The following GRIA1 variants were observed in gnomAD, a reference collection of about 807,000 sequenced individuals.
The protein encoded by GRIA1 is glutamate receptor 1.
GRIA1 carries 31 observed loss-of-function variants against 99.2 expected under a neutral mutation model. The ratio of observed to expected loss-of-function variants is 0.31; its 90% CI spans 0.23 to 0.42. The LOEUF is 0.42. Among genes scored for constraint, GRIA1 ranks in the 10% least tolerant of loss-of-function variants. GRIA1 has a pLI of 1.00. For synonymous variants in GRIA1, 438 were observed against 432.4 expected (o/e 1.01, Z -0.16); for missense variants, 782 against 1,157.5 (o/e 0.68, Z 4.71).
At chr5:153,630,376 T>C (rs1752857522) in intron 2 of GRIA1, among the ~76,000 whole-genome samples, 1 of 152,100 alleles carries the variant, frequency 6.6e-6, no homozygotes, top group Admixed American at 6.6e-5. Context: ...AGGAATATAT[T>C]GAAGAGAAAA....
At chr5:153,562,435 C>T (rs1024941347) in intron 2 of GRIA1, among the ~76,000 whole-genome samples, 5 of 152,138 alleles carry the variant, frequency 3.3e-5, no homozygotes, top group Non-Finnish European at 4.4e-5. Context: ...ACCTCTGAGT[C>T]AGCCTTTATG....
rs1766808159 is a variant in GRIA1 at position 153,811,315 on chromosome 5, A to G, written c.*90A>G. The stretch of plus-strand genomic sequence containing the variant: ...AGTGCCAAAAACAACAACAAAATGA[A>G]ACGCAACCACCACCAACCACTGCGA... On this transcript the variant is annotated 3_prime_UTR_variant, in exon 16 of 16. Coordinates refer to ENST00000285900, the MANE Select transcript of GRIA1 (RefSeq NM_000827.4). 1.2e-6 allele frequency: 1 copy of G among 855,204 alleles called. No homozygotes were observed. 53.0% of individuals were successfully genotyped at this position (855,204 alleles called of 1,614,324 possible). A position where few individuals can be genotyped will look rare whatever the true frequency, so the allele number is the denominator to read the frequency against.
intron 11 of GRIA1, among the ~76,000 whole-genome samples, chr5:153,713,916 C>A (rs1446189733): frequency 1.3e-5 from 2 of 152,142 alleles, no homozygotes; most frequent in Non-Finnish European, 2.9e-5. Flanking sequence ...TGAGAGACAT[C>A]ACAGAACATA....
intron 2 of GRIA1, among the ~76,000 whole-genome samples, chr5:153,602,245 T>C (rs1049402596): frequency 6.6e-6 from 1 of 152,180 alleles, no homozygotes; most frequent in African/African-American, 2.4e-5. Flanking sequence ...ATGGATGAAA[T>C]TGGAAATCAT....
At chr5:153,634,358 T>C (rs1753199431) in intron 2 of GRIA1, among the ~76,000 whole-genome samples, 2 of 151,894 alleles carry the variant, frequency 1.3e-5, no homozygotes, top group Non-Finnish European at 2.9e-5. Context: ...ATGAGTATTT[T>C]AGAGAAGGCC....
intron 2 of GRIA1, among the ~76,000 whole-genome samples, chr5:153,504,032 T>G (rs1755253626): frequency 6.6e-6 from 1 of 152,210 alleles, no homozygotes. Flanking sequence ...TTCTCTTTTC[T>G]CATCAGTTCC....
intron 2 of GRIA1, among the ~76,000 whole-genome samples, chr5:153,512,001 C>T (rs180908928): frequency 6.6e-6 from 1 of 152,302 alleles, no homozygotes; most frequent in Admixed American, 6.5e-5. Context: ...CACAAACAAA[C>T]AAAGCAAATC....
At chr5:153,683,758 G>A (rs772212510) in intron 7 of GRIA1, among the ~76,000 whole-genome samples, 13 of 152,220 alleles carry the variant, frequency 8.5e-5, no homozygotes, top group South Asian at 6.2e-4. Flanking sequence ...AGTAGTAGTC[G>A]TCATTATCAT....
chr5:153,643,117 C>A (rs535596009), intron 2 of GRIA1, among the ~76,000 whole-genome samples: 1 of 152,296 alleles, frequency 6.6e-6, no homozygotes, highest in South Asian at 2.1e-4. Context: ...CAGAGACTTA[C>A]CTGCTTACTG....
At chr5:153,719,258 G>A (rs1271359664) in intron 11 of GRIA1, among the ~76,000 whole-genome samples, 9 of 152,066 alleles carry the variant, frequency 5.9e-5, no homozygotes, top group Admixed American at 2.6e-4. Context: ...CTAGGTTTTC[G>A]TGTCAGAGCC....
chr5:153,748,935 T>A (rs1762331611), intron 11 of GRIA1, among the ~76,000 whole-genome samples: 1 of 152,042 alleles, frequency 6.6e-6, no homozygotes, highest in Admixed American at 6.6e-5. Context: ...AGATCTAAAT[T>A]GGGGAGTTTT....
intron 11 of GRIA1, among the ~76,000 whole-genome samples, chr5:153,755,938 G>A (rs1020154998): frequency 6.6e-6 from 1 of 152,210 alleles, no homozygotes; most frequent in African/African-American, 2.4e-5. Flanking sequence ...TCCTCAAAGG[G>A]CTTGGCTTCA....
At chr5:153,803,420 G>A (rs1000204703) in intron 15 of GRIA1, among the ~76,000 whole-genome samples, 3 of 152,184 alleles carry the variant, frequency 2.0e-5, no homozygotes, top group Non-Finnish European at 2.9e-5. Flanking sequence ...GGCATCATGA[G>A]GACTCAGAGA....
chr5:153,786,295 C>T (rs1053471435), intron 13 of GRIA1, among the ~76,000 whole-genome samples: 1 of 151,914 alleles, frequency 6.6e-6, no homozygotes, highest in African/African-American at 2.4e-5. Flanking sequence ...CCGAAGGTCC[C>T]CTCATCATGA....
chr5:153,771,906 A>G (rs940684637), intron 13 of GRIA1, among the ~76,000 whole-genome samples: 12 of 152,204 alleles, frequency 7.9e-5, no homozygotes, highest in African/African-American at 2.7e-4. Context: ...GGAGGGGGGA[A>G]TCAAAGGACA....
intron 2 of GRIA1, among the ~76,000 whole-genome samples, chr5:153,614,549 T>G (rs113433887): frequency 0.01 from 1,576 of 152,308 alleles, 26 homozygotes; most frequent in African/African-American, 0.036. Flanking sequence ...GGCTGGAAAG[T>G]GGCAGAGTTT....
intron 2 of GRIA1, among the ~76,000 whole-genome samples, chr5:153,548,898 T>C (rs561054624): frequency 8.5e-5 from 13 of 152,316 alleles, no homozygotes; most frequent in Non-Finnish European, 1.5e-4. Flanking sequence ...ATCTTTCATG[T>C]TAATAAATAG....
intron 2 of GRIA1, 127 bp downstream of exon 2, chr5:153,494,192 C>G: frequency 2.0e-6 from 2 of 996,588 alleles, no homozygotes. Context: ...AGAAAGCCCT[C>G]CAAGAAAAAT....
At chr5:153,604,742 C>A (rs912712668) in intron 2 of GRIA1, among the ~76,000 whole-genome samples, 5 of 152,004 alleles carry the variant, frequency 3.3e-5, no homozygotes, top group East Asian at 1.9e-4. Context: ...CCTGACCTCA[C>A]GGTAGGAAAA....
Sources: gnomAD v4.1 joint callset for allele counts (sites outside exome capture counted in the v4.1 genomes callset) on GRCh38, gnomAD v4.1.1 for gene constraint, MANE v1.5 for transcripts, NCBI Gene and HGNC (gene_info 2026-07-23, HGNC 2026-07-21) for gene names.